The following MUC5AC variants were observed in gnomAD, a reference collection of about 807,000 sequenced individuals.
MUC5AC encodes mucin 5AC, oligomeric mucus/gel-forming.
MUC5AC carries 158 observed loss-of-function variants against 169.7 expected under a neutral mutation model. That is an observed-to-expected ratio of 0.93 (90% CI 0.82 to 1.06). MUC5AC has a LOEUF of 1.06. MUC5AC is among the 50% of genes least tolerant of loss of function. MUC5AC has a pLI of 0.00. For synonymous variants in MUC5AC, 1,975 were observed against 1,237.0 expected (o/e 1.60, Z -12.52); for missense variants, 4,359 against 3,089.9 (o/e 1.41, Z -9.74).
rs1411774205 is a variant in MUC5AC, at chr11:1,186,529, G to C, written c.8384G>C (p.Ser2795Thr). 4.3e-5 allele frequency: 30 copies of C among 697,468 alleles called. No individual in the cohort carries two copies. The highest frequency in any genetic ancestry group is 7.3e-5 in the Non-Finnish European group (28 of 381,886). The allele number at this position is 697,468 out of a possible 1,614,324, so 43.2% of individuals were successfully genotyped here. Residue 2795 changes from serine (S) to threonine (T), a missense_variant, in exon 31 of 49, where the codon AGC (serine) becomes ACC (threonine). Physicochemically the swap from Ser to Thr is moderately conservative, Grantham distance 58. Transcript: ENST00000621226. ...AGCACAACTTTGTCTCCTACAACCA[G>C]CACAACCTCTACTACTATAACCAGC... is the stretch of plus-strand genomic sequence containing the variant. ...TTSTTLSPTTSTTSTTITSTT... is the reference protein window; with the variant it reads ...TTSTTLSPTTTTTSTTITSTT...
chr11:1,194,708 G>A (rs757435648), intron 35 of MUC5AC, 38 bp downstream of exon 35: 9 of 714,258 alleles, frequency 1.3e-5, no homozygotes, highest in Non-Finnish European at 2.0e-5. Context: ...TCTGGCATTC[G>A]CGGGGGCGGG....
intron 10 of MUC5AC, 48 bp downstream of exon 10, chr11:1,165,467 G>C (rs761135101): frequency 5.1e-5 from 81 of 1,595,614 alleles, no homozygotes; most frequent in Non-Finnish European, 6.7e-5. Flanking sequence ...CTATGGGACA[G>C]ACCTGCTGGG....
Position 1,184,805 on chromosome 11 carries a change from C to T in MUC5AC, c.6660C>T (p.Cys2220=), listed in dbSNP as rs1351055583. ...RVLCCETPKG[C]PVTSTPVTAP... is the part of the protein sequence containing the mutation. ...TCTGCTGCGAGACCCCCAAAGGCTG[C>T]CCCGTGACCTCCACACCTGTGACAG... is the stretch of plus-strand genomic sequence containing the variant. Residue 2220 remains cysteine, a synonymous_variant, in exon 31 of 49, where the codon TGC becomes TGT. Coordinates refer to ENST00000621226, the MANE Select transcript of MUC5AC (RefSeq NM_001304359.2). 1.4e-5 allele frequency: 9 copies of T among 650,836 alleles called. No individual in the cohort carries two copies. The African/African-American group carries it at 1.4e-4, about 10-fold the overall frequency. The allele number at this position is 650,836 out of a possible 1,614,324, so 40.3% of individuals were successfully genotyped here. A position where few individuals can be genotyped will look rare whatever the true frequency, so the allele number is the denominator to read the frequency against.
Position 1,167,928 on chromosome 11 carries a change from C to T in MUC5AC, c.1438C>T (p.Leu480=), listed in dbSNP as rs1046862431. 6.4e-7 allele frequency: 1 copy of T among 1,550,798 alleles called. No individual in the cohort carries two copies. Among genetic ancestry groups the T allele is most frequent in the Admixed American group, 2.0e-5 (1 of 51,052 alleles). The change falls in exon 12 of 49, where the codon CTG becomes TTG. Residue 480 remains leucine, a synonymous_variant. Coordinates refer to ENST00000621226, the MANE Select transcript of MUC5AC (RefSeq NM_001304359.2). The part of the protein sequence containing the change: ...TVLAELRRCG[L]TDSETCLKSV... ...ACTGGCTGAGCTGCGCAGGTGCGGG[C>T]TGACGGACAGCGAGACCTGCCTGAA...
chr11:1,190,867 C>T lies in MUC5AC; in HGVS notation c.12722C>T (p.Thr4241Ile), dbSNP rs1185528672. Residue 4241 changes from threonine to isoleucine, a missense_variant, in exon 31 of 49, where the codon ACA becomes ATA. Transcript: ENST00000621226. ...ACAACCTCTGCCTCTACAACCAGCA[C>T]AACTTCTGCTCCTACAACCAGCACA... ...TSTTSASTTS[T>I]TSAPTTSTTS... 4.0e-6 allele frequency: 3 copies of T among 742,684 alleles called. No homozygotes were observed. The highest frequency in any genetic ancestry group is 7.4e-6 in the Non-Finnish European group (3 of 406,890). The allele number at this position is 742,684 out of a possible 1,614,324, so 46.0% of individuals were successfully genotyped here.
intron 4 of MUC5AC, among the ~76,000 whole-genome samples, 180 bp downstream of exon 4, chr11:1,162,348 C>T (rs945329203): frequency 1.3e-5 from 2 of 152,186 alleles, no homozygotes; most frequent in Non-Finnish European, 1.5e-5. Flanking sequence ...CTGGGATCCC[C>T]AGGCTCTTAT....
intron 15 of MUC5AC, among the ~76,000 whole-genome samples, chr11:1,171,409 A>ACTCAC (rs1277928585): frequency 3.5e-5 from 3 of 86,836 alleles, no homozygotes; most frequent in Non-Finnish European, 6.8e-5. Flanking sequence ...TCATCCACTC[A>ACTCAC]CTCACCTCAC....
In MUC5AC at chr11:1,165,667, G is replaced by T; in HGVS notation, c.1293G>T (p.Pro431=). 1 of 1,612,444 alleles carries T rather than the reference G, an allele frequency of 6.2e-7. No individual in the cohort carries two copies. Among genetic ancestry groups the T allele is most frequent in the Non-Finnish European group, 8.5e-7 (1 of 1,179,768 alleles). The change falls in exon 11 of 49, where the codon CCG becomes CCT. Residue 431 remains proline, a synonymous_variant. Transcript: ENST00000621226. ...GRWSCQEVPC[P]GTCSVLGGAH... ...GGAGCTGCCAGGAGGTTCCATGCCC[G>T]GGTACCTGCTCTGTGCTTGGAGGTG...
rs1707795784 is a variant in MUC5AC at position 1,180,172 on chromosome 11, G to GC, written c.3613+22_3613+23insC. ...GAAGGTGGGCTGGGGCCGGTCGGAGGGTGGCCTGGGCTCCGCCGCCTGTGG... is the reference window on the plus strand; with the variant it reads ...GAAGGTGGGCTGGGGCCGGTCGGAGGCGTGGCCTGGGCTCCGCCGCCTGTGG... On this transcript the variant is annotated intron_variant, in intron 27 of 48. Coordinates refer to ENST00000621226, the MANE Select transcript of MUC5AC (RefSeq NM_001304359.2). The GC allele has an allele frequency of 2.0e-5, 8 of 398,228 alleles. 1 individual carries two copies. In the East Asian group the frequency reaches 2.9e-4, roughly 14 times the overall value. The allele number at this position is 398,228 out of a possible 1,614,324, so 24.7% of individuals were successfully genotyped here. A position where few individuals can be genotyped will look rare whatever the true frequency, so the allele number is the denominator to read the frequency against.
At position 1,164,514 on chromosome 11, in the gene MUC5AC, G is replaced by T; in HGVS notation, c.1111G>T (p.Gly371Cys). 1 of 1,611,094 alleles carries T rather than the reference G, an allele frequency of 6.2e-7. No individual in the cohort carries two copies. ...SRACEDHCVA[G>C]CFCPEGTVLD... ...GGCCTGTGAGGACCACTGTGTGGCC[G>T]GCTGCTTCTGCCCTGAGGGTGAGGC... The change falls in exon 9 of 49, where the codon GGC (glycine) becomes TGC (cysteine). Residue 371 changes from glycine (G) to cysteine (C), a missense_variant. Coordinates refer to ENST00000621226, the MANE Select transcript of MUC5AC (RefSeq NM_001304359.2).
rs554118134 is a variant in MUC5AC, at chr11:1,197,465, C to G, written c.15862-3C>G. The stretch of plus-strand genomic sequence containing the variant: ...CGCTGGACCTCAGTCCCCTTCCTTG[C>G]AGGTGGGCCACACCGTCGGCATGGA... On this transcript the variant is annotated splice_polypyrimidine_tract_variant and splice_region_variant and intron_variant, in intron 40 of 48. Coordinates refer to ENST00000621226, the MANE Select transcript of MUC5AC (RefSeq NM_001304359.2). The G allele has an allele frequency of 1.0e-4, 71 of 709,684 alleles. No individual in the cohort carries two copies. In the African/African-American group the frequency reaches 1.2e-3, roughly 12 times the overall value. The allele number at this position is 709,684 out of a possible 1,614,324, so 44.0% of individuals were successfully genotyped here.
In MUC5AC at chr11:1,161,706, A is replaced by G. The variant is rs55820811; in HGVS notation, c.211+120A>G. On this transcript the variant is annotated intron_variant, in intron 3 of 48. Transcript: ENST00000621226. ...CTTTCCGGGTGAACACTGGGTGGGTATTGGAGCCAGAGGGCCCAGCATCTC... is the reference window on the plus strand; with the variant it reads ...CTTTCCGGGTGAACACTGGGTGGGTGTTGGAGCCAGAGGGCCCAGCATCTC... 4 of 1,306,272 alleles carry G rather than the reference A, an allele frequency of 3.1e-6. No homozygotes were observed. In the East Asian group the frequency reaches 1.0e-4, roughly 33 times the overall value. The allele number at this position is 1,306,272 out of a possible 1,614,324, so 80.9% of individuals were successfully genotyped here.
rs561057752 is a variant in MUC5AC, at chr11:1,164,399, T to C, written c.1004-8T>C. On this transcript the variant is annotated splice_polypyrimidine_tract_variant and splice_region_variant and intron_variant, in intron 8 of 48. Coordinates refer to ENST00000621226, the MANE Select transcript of MUC5AC (RefSeq NM_001304359.2). ...GGCAGACGTGAGCCCTCTCTCTGCCTCCCGCAGCCCAGAAGTGCCCCAACA... is the reference window on the plus strand; with the variant it reads ...GGCAGACGTGAGCCCTCTCTCTGCCCCCCGCAGCCCAGAAGTGCCCCAACA... 165 of 1,612,134 alleles carry C rather than the reference T, an allele frequency of 1.0e-4. No individual in the cohort carries two copies. Among genetic ancestry groups the C allele is most frequent in the Middle Eastern group, 9.9e-4 (6 of 6,062 alleles).
In MUC5AC at chr11:1,193,121, G is replaced by A. The variant is rs549284599; in HGVS notation, c.14580+139G>A. The A allele has an allele frequency of 1.1e-4, 67 of 595,162 alleles. No homozygotes were observed. In the South Asian group the frequency reaches 1.3e-3, roughly 12 times the overall value. 36.9% of individuals were successfully genotyped at this position (595,162 alleles called of 1,614,324 possible). A position where few individuals can be genotyped will look rare whatever the true frequency, so the allele number is the denominator to read the frequency against. On this transcript the variant is annotated intron_variant, in intron 32 of 48. Transcript: ENST00000621226. Reference sequence around the variant, plus strand: ...GAGGCAGCCCGGCCGTCAGGAGAGGGCCATGCTGTAGCCCGGCGTCTCTGA... The same window carrying A: ...GAGGCAGCCCGGCCGTCAGGAGAGGACCATGCTGTAGCCCGGCGTCTCTGA...
Position 1,198,903 on chromosome 11 carries a change from C to A in MUC5AC, c.16203C>A (p.Cys5401Ter), listed in dbSNP as rs779552428. ...QPGAVVSSSL[C>*]ETCRCELPGG... ...GCGCCGTGGTCTCCTCGAGCCTGTG[C>A]GAAACCTGCAGGTGTGAGCTGCCGG... The change falls in exon 44 of 49, where the codon TGC (cysteine) becomes TGA (stop). Residue 5401 changes from cysteine (C) to a stop codon, truncating the protein, a stop_gained. Transcript: ENST00000621226. LOFTEE classifies it high-confidence loss of function. 1 of 757,486 alleles carries A rather than the reference C, an allele frequency of 1.3e-6. No homozygotes were observed. The highest frequency in any genetic ancestry group is 1.4e-5 in the South Asian group (1 of 73,062). The allele number at this position is 757,486 out of a possible 1,614,324, so 46.9% of individuals were successfully genotyped here. A position where few individuals can be genotyped will look rare whatever the true frequency, so the allele number is the denominator to read the frequency against.
intron 27 of MUC5AC, 65 bp downstream of exon 27, chr11:1,180,215 G>C: frequency 2.5e-6 from 1 of 398,416 alleles, no homozygotes; most frequent in Non-Finnish European, 4.4e-6. Flanking sequence ...CTGGCCCCTC[G>C]AGGAGCCTCT....
At position 1,190,906 on chromosome 11, in the gene MUC5AC, G is replaced by A. The variant is rs1372904254; in HGVS notation, c.12761G>A (p.Gly4254Glu). 2.8e-6 allele frequency: 2 copies of A among 717,286 alleles called. No individual in the cohort carries two copies. Among genetic ancestry groups the A allele is most frequent in the Admixed American group, 1.9e-5 (1 of 52,650 alleles). 44.4% of individuals were successfully genotyped at this position (717,286 alleles called of 1,614,324 possible). The change falls in exon 31 of 49, where the codon GGA becomes GAA. Residue 4254 changes from glycine (G) to glutamate (E), a missense_variant. Coordinates refer to ENST00000621226, the MANE Select transcript of MUC5AC (RefSeq NM_001304359.2). ...APTTSTTSGP[G>E]TTPSPVPSTS... The stretch of plus-strand genomic sequence containing the variant: ...ACAACCAGCACAACCTCTGGTCCTG[G>A]AACTACTCCAAGCCCTGTTCCCAGC...
At chr11:1,165,477 G>A (rs1314379917) in intron 10 of MUC5AC, 58 bp downstream of exon 10, 60 of 1,591,430 alleles carry the variant, frequency 3.8e-5, no homozygotes, top group Non-Finnish European at 4.4e-5. Context: ...GACCTGCTGG[G>A]GGTTGCAACC....
In MUC5AC at chr11:1,196,629, G is replaced by A; in HGVS notation, c.15738G>A (p.Glu5246=). The A allele has an allele frequency of 1.3e-6, 1 of 762,348 alleles. No homozygotes were observed. The highest frequency in any genetic ancestry group is 2.4e-6 in the Non-Finnish European group (1 of 416,790). The allele number at this position is 762,348 out of a possible 1,614,324, so 47.2% of individuals were successfully genotyped here. Residue 5246 remains glutamate (E), a synonymous_variant, in exon 39 of 49, where the codon GAG becomes GAA. Coordinates refer to ENST00000621226, the MANE Select transcript of MUC5AC (RefSeq NM_001304359.2). ...ATGCTCTCTACAGGGCTCTGCCGGA[G>A]GCCGGCCCCATCACCGAAGGCTGCT... is the stretch of plus-strand genomic sequence containing the variant. ...NDSASLGALP[E]AGPITEGCFC...
Sources: gnomAD v4.1 joint callset for allele counts (sites outside exome capture counted in the v4.1 genomes callset) on GRCh38, gnomAD v4.1.1 for gene constraint, MANE v1.5 for transcripts, NCBI Gene and HGNC (gene_info 2026-07-23, HGNC 2026-07-21) for gene names.